The following ATP11B variants were observed in gnomAD, a reference collection of about 807,000 sequenced individuals.
ATP11B encodes the protein phospholipid-transporting ATPase IF.
A neutral mutation model predicts 157.8 loss-of-function variants in ATP11B; 81 were observed. That is an observed-to-expected ratio of 0.51 (90% CI 0.43 to 0.62). The LOEUF (loss-of-function observed/expected upper bound fraction) is 0.62, where lower values mean the gene tolerates loss of function less well. Among genes scored for constraint, ATP11B ranks in the 20% least tolerant of loss-of-function variants. ATP11B has a pLI of 0.00. For synonymous variants in ATP11B, 451 were observed against 469.4 expected (o/e 0.96, Z 0.51); for missense variants, 1,165 against 1,402.2 (o/e 0.83, Z 2.70).
intron 28 of ATP11B, among the ~76,000 whole-genome samples, chr3:182,903,986 TCA>T (rs1333134870): frequency 1.3e-5 from 2 of 152,184 alleles, no homozygotes; most frequent in Non-Finnish European, 2.9e-5. Context: ...ATCAAAGAAA[TCA>T]CAGATTCTGT....
At chr3:182,859,921 GA>G (rs1238083903) in intron 12 of ATP11B, among the ~76,000 whole-genome samples, 1 of 149,978 alleles carries the variant, frequency 6.7e-6, no homozygotes, top group African/African-American at 2.5e-5. Context: ...AGGTAATCTA[GA>G]AGTTCCTTTC....
At chr3:182,858,264 GA>G (rs1463432144) in intron 11 of ATP11B, among the ~76,000 whole-genome samples, 2 of 152,178 alleles carry the variant, frequency 1.3e-5, no homozygotes, top group Admixed American at 1.3e-4. Context: ...ATAGTTCAAA[GA>G]GGTCACAAAA....
At chr3:182,796,716 A>G (rs947297452) in intron 1 of ATP11B, among the ~76,000 whole-genome samples, 20 of 152,246 alleles carry the variant, frequency 1.3e-4, no homozygotes, top group East Asian at 1.9e-4. Context: ...CACATACTCT[A>G]CATAAGTAGA....
chr3:182,892,272 C>T (rs1723228861), intron 25 of ATP11B, among the ~76,000 whole-genome samples: 2 of 152,216 alleles, frequency 1.3e-5, no homozygotes, highest in African/African-American at 2.4e-5. Flanking sequence ...CCAGCTCCCT[C>T]TTATGTGTCC....
Position 182,913,329 on chromosome 3 carries a change from C to T in ATP11B, c.3319-532C>T, listed in dbSNP as rs984577442. On this transcript the variant is annotated intron_variant, in intron 28 of 29. Coordinates refer to ENST00000323116, the MANE Select transcript of ATP11B (RefSeq NM_014616.3). ...AGAACCTGGCACATAGTAAAGCATA[C>T]GTAAAGTGTTTGCTGCCATTGTTGT... Among the ~76,000 whole-genome samples, 6 of 152,198 alleles carry T rather than the reference C, an allele frequency of 3.9e-5. No individual in the cohort carries two copies. In the South Asian group the frequency reaches 6.2e-4, roughly 16 times the overall value.
chr3:182,859,598 A>G (rs900291832), intron 12 of ATP11B, among the ~76,000 whole-genome samples: 4 of 152,168 alleles, frequency 2.6e-5, no homozygotes, highest in African/African-American at 9.7e-5. Flanking sequence ...ACTATGGAAT[A>G]TAAAGACATA....
chr3:182,820,500 A>G (rs886971572), intron 2 of ATP11B, 124 bp downstream of exon 2: 2 of 662,296 alleles, frequency 3.0e-6, no homozygotes, highest in Non-Finnish European at 2.6e-6. Context: ...TGTGGGCAAC[A>G]TAATGAGACC....
At chr3:182,906,962 G>A (rs956139142) in intron 28 of ATP11B, among the ~76,000 whole-genome samples, 16 of 151,708 alleles carry the variant, frequency 1.1e-4, no homozygotes, top group African/African-American at 2.9e-4. Flanking sequence ...GTGTGGTGGC[G>A]GATGCCTGCA....
At chr3:182,886,578 A>G (rs992086720) in intron 23 of ATP11B, among the ~76,000 whole-genome samples, 2 of 152,174 alleles carry the variant, frequency 1.3e-5, no homozygotes, top group African/African-American at 2.4e-5. Context: ...TGCATGTCAC[A>G]TATTTACCAG....
Position 182,857,382 on chromosome 3 carries a change from C to T in ATP11B, c.852-496C>T, listed in dbSNP as rs1285489725. Among the ~76,000 whole-genome samples the T allele has an allele frequency of 2.6e-5, 4 of 152,092 alleles. No homozygotes were observed. The East Asian group carries it at 7.7e-4, about 29-fold the overall frequency. On this transcript the variant is annotated intron_variant, in intron 10 of 29. Coordinates refer to ENST00000323116, the MANE Select transcript of ATP11B (RefSeq NM_014616.3). ...CAGGATGGTCTCAATCTCCTGATCT[C>T]GTGATCCACCCGCCTCGGTCTCCCA... is the stretch of plus-strand genomic sequence containing the variant.
At chr3:182,894,006 C>G (rs534963826) in intron 25 of ATP11B, among the ~76,000 whole-genome samples, 65 of 152,206 alleles carry the variant, frequency 4.3e-4, no homozygotes, top group African/African-American at 1.5e-3. Flanking sequence ...TATTCATGTC[C>G]TTAGGCCACT....
intron 19 of ATP11B, among the ~76,000 whole-genome samples, chr3:182,875,420 G>C (rs1264617073): frequency 7.1e-6 from 1 of 141,208 alleles, no homozygotes; most frequent in African/African-American, 3.2e-5. Flanking sequence ...GGGATTTTTT[G>C]TTGTTGTTGT....
intron 9 of ATP11B, among the ~76,000 whole-genome samples, chr3:182,847,293 C>T (rs190199252): frequency 6.6e-6 from 1 of 152,294 alleles, no homozygotes; most frequent in East Asian, 1.9e-4. Context: ...CCTGCCTTGG[C>T]CTCCCAAAGT....
chr3:182,840,543 A>G (rs1162377444), intron 7 of ATP11B, among the ~76,000 whole-genome samples: 1 of 152,170 alleles, frequency 6.6e-6, no homozygotes, highest in Non-Finnish European at 1.5e-5. Context: ...CAAATTAATA[A>G]TCAAGCTGAA....
At chr3:182,855,823 G>A (rs1050938698) in intron 10 of ATP11B, among the ~76,000 whole-genome samples, 81 of 152,114 alleles carry the variant, frequency 5.3e-4, no homozygotes, top group African/African-American at 1.9e-3. Context: ...TTAGAGAGAA[G>A]CAAATTAGAA....
intron 25 of ATP11B, among the ~76,000 whole-genome samples, chr3:182,895,798 G>T (rs1008431010): frequency 6.6e-5 from 10 of 152,174 alleles, no homozygotes; most frequent in African/African-American, 1.9e-4. Flanking sequence ...TGCCTGGCAG[G>T]ATATTGATAA....
At chr3:182,885,399 A>G (rs1471748651) in intron 22 of ATP11B, among the ~76,000 whole-genome samples, 1 of 152,176 alleles carries the variant, frequency 6.6e-6, no homozygotes, top group African/African-American at 2.4e-5. Context: ...TAATAACACC[A>G]GAGTGTACTA....
chr3:182,901,818 A>G (rs909496827), intron 28 of ATP11B, among the ~76,000 whole-genome samples: 2 of 152,240 alleles, frequency 1.3e-5, no homozygotes, highest in Non-Finnish European at 2.9e-5. Context: ...TTCTTTCACT[A>G]TAAAGCTAAA....
rs1460877211 is a variant in ATP11B at position 182,823,850 on chromosome 3, AT to A, written c.144+3475del. ...TTAGGTTTTTTTTTTAACTTGGGGT[AT>A]AATTTACATACAGTAAAATTTATCA... On this transcript the variant is annotated intron_variant, in intron 2 of 29. Coordinates refer to ENST00000323116, the MANE Select transcript of ATP11B (RefSeq NM_014616.3). 5.3e-5 allele frequency among the ~76,000 whole-genome samples: 8 copies of A among 152,026 alleles called. No individual in the cohort carries two copies. In the South Asian group the frequency reaches 1.7e-3, roughly 32 times the overall value.
Sources: gnomAD v4.1 joint callset for allele counts (sites outside exome capture counted in the v4.1 genomes callset) on GRCh38, gnomAD v4.1.1 for gene constraint, MANE v1.5 for transcripts, NCBI Gene and HGNC (gene_info 2026-07-23, HGNC 2026-07-21) for gene names.